ANKUB1: variants seen among roughly 807,000 people sequenced by gnomAD.
The protein encoded by ANKUB1 is ankyrin repeat and ubiquitin domain containing 1.
Under a neutral mutation model 49.3 loss-of-function variants are expected in ANKUB1, and 42 were observed. That is an observed-to-expected ratio of 0.85 (90% CI 0.67 to 1.10). ANKUB1 has a LOEUF of 1.10. Ranked by LOEUF, ANKUB1 falls within the 50% of genes least tolerant of loss-of-function variation. The pLI is 0.00. For synonymous variants in ANKUB1, 222 were observed against 231.0 expected, an observed-to-expected ratio of 0.96 and a Z score of 0.35; for missense variants, 613 against 642.0, an observed-to-expected ratio of 0.95 and a Z score of 0.49.
At chr3:149,765,928 C>G (rs529299410) in intron 5 of ANKUB1, among the ~76,000 whole-genome samples, 1 of 152,316 alleles carries the variant, frequency 6.6e-6, no homozygotes, top group Admixed American at 6.5e-5. Flanking sequence ...GCCCAAATTA[C>G]TCTCACCACA....
At position 149,767,214 on chromosome 3, in the gene ANKUB1, A is replaced by G. The variant is rs961463362; in HGVS notation, c.1448T>C (p.Leu483Ser). ...CCATGGAGTCTTCCCACTGTGCTCTAAGAAAGATGAGAAGGAGGACTTCAG... is the reference window on the plus strand; with the variant it reads ...CCATGGAGTCTTCCCACTGTGCTCTGAGAAAGATGAGAAGGAGGACTTCAG... ...FLLKSSFSSF[L>S]EHSGKTPWEN... The change falls in exon 5 of 6, where the codon TTA becomes TCA. Residue 483 changes from leucine (L) to serine (S), a missense_variant. Leu to Ser is a moderately radical substitution (Grantham distance 145). Coordinates refer to ENST00000446160, the MANE Select transcript of ANKUB1 (RefSeq NM_001144960.3). 1 of 1,549,926 alleles carries G rather than the reference A, an allele frequency of 6.5e-7. No individual in the cohort carries two copies. The highest frequency in any genetic ancestry group is 1.4e-5 in the African/African-American group (1 of 73,024).
intron 5 of ANKUB1, among the ~76,000 whole-genome samples, chr3:149,762,299 AC>A (rs1716815288): frequency 6.6e-6 from 1 of 152,212 alleles, no homozygotes; most frequent in Admixed American, 6.5e-5. Context: ...TCTCCAATTA[AC>A]AAATAAAAAT....
intron 2 of ANKUB1, among the ~76,000 whole-genome samples, chr3:149,781,759 T>C (rs1316073636): frequency 6.6e-6 from 1 of 152,218 alleles, no homozygotes; most frequent in Non-Finnish European, 1.5e-5. Flanking sequence ...GTGATGTTAC[T>C]GATGAAATTT....
chr3:149,781,757 A>G (rs1035065116), intron 2 of ANKUB1, among the ~76,000 whole-genome samples: 1 of 152,224 alleles, frequency 6.6e-6, no homozygotes, highest in African/African-American at 2.4e-5. Flanking sequence ...GAGTGATGTT[A>G]CTGATGAAAT....
intron 5 of ANKUB1, chr3:149,763,856 A>G: frequency 2.2e-6 from 1 of 455,584 alleles, no homozygotes; most frequent in Non-Finnish European, 4.4e-6. Context: ...TTAACTGCAT[A>G]ATGCCATCTT....
intron 2 of ANKUB1, among the ~76,000 whole-genome samples, chr3:149,789,739 C>T (rs1718276226): frequency 6.6e-6 from 1 of 151,356 alleles, no homozygotes; most frequent in Non-Finnish European, 1.5e-5. Flanking sequence ...AAGTGATTCT[C>T]CTGCCTCAGC....
chr3:149,783,118 C>T (rs1430397103), intron 2 of ANKUB1: 1 of 152,036 alleles, frequency 6.6e-6, no homozygotes, highest in Admixed American at 6.6e-5. Context: ...ATGGGAAAAC[C>T]CATTTTGAGT....
chr3:149,775,648 G>A (rs1035439977), intron 3 of ANKUB1, among the ~76,000 whole-genome samples: 2 of 152,190 alleles, frequency 1.3e-5, no homozygotes, highest in Non-Finnish European at 1.5e-5. Flanking sequence ...GGTGTTTATA[G>A]TGAAGAGTAC....
chr3:149,787,231 T>C (rs1718145947), intron 2 of ANKUB1, among the ~76,000 whole-genome samples: 1 of 152,334 alleles, frequency 6.6e-6, no homozygotes, highest in South Asian at 2.1e-4. Context: ...CATTTGTTTG[T>C]GTCCTCTTTT....
intron 2 of ANKUB1, among the ~76,000 whole-genome samples, chr3:149,784,256 G>C (rs1281141075): frequency 1.3e-5 from 2 of 152,148 alleles, no homozygotes. Flanking sequence ...TATAGAAGGA[G>C]GCAGGGAAAC....
intron 2 of ANKUB1, chr3:149,783,867 C>T (rs556754180): frequency 6.6e-6 from 1 of 152,160 alleles, no homozygotes; most frequent in South Asian, 2.1e-4. Flanking sequence ...TCACCAGATT[C>T]TTTTCATACC....
chr3:149,772,931 G>A (rs35537852), intron 3 of ANKUB1, among the ~76,000 whole-genome samples: 2 of 152,186 alleles, frequency 1.3e-5, no homozygotes, highest in South Asian at 2.1e-4. Context: ...CAGAACACCA[G>A]TAATCTTAGA....
chr3:149,782,258 TA>T (rs982644224), intron 2 of ANKUB1, among the ~76,000 whole-genome samples: 3 of 151,174 alleles, frequency 2.0e-5, no homozygotes, highest in Admixed American at 6.6e-5. Flanking sequence ...AGTCACTCTT[TA>T]AAAAAAAAAT....
At chr3:149,780,196 C>A (rs764978334) in intron 3 of ANKUB1, 43 bp downstream of exon 3, 3 of 1,513,174 alleles carry the variant, frequency 2.0e-6, no homozygotes, top group South Asian at 1.2e-5. Context: ...TCAAAGGACC[C>A]TAGTGCCAAA....
intron 2 of ANKUB1, among the ~76,000 whole-genome samples, chr3:149,789,656 G>T (rs1214639993): frequency 3.3e-5 from 5 of 150,152 alleles, no homozygotes; most frequent in African/African-American, 1.2e-4. Context: ...CCGAGATGGG[G>T]TCTCACTCTG....
In ANKUB1 at chr3:149,792,453, G is replaced by T; in HGVS notation, c.-87C>A. ...AGAAAAATTCCGGTTCACAATTAAGGACAAAAATGATAGCCAGAGGCAGCT... is the reference window on the plus strand; with the variant it reads ...AGAAAAATTCCGGTTCACAATTAAGTACAAAAATGATAGCCAGAGGCAGCT... On this transcript the variant is annotated 5_prime_UTR_variant, in exon 1 of 6. Coordinates refer to ENST00000446160, the MANE Select transcript of ANKUB1 (RefSeq NM_001144960.3). The T allele has an allele frequency of 3.8e-6, 4 of 1,058,156 alleles. No homozygotes were observed. Among genetic ancestry groups the T allele is most frequent in the South Asian group, 2.0e-5 (1 of 50,054 alleles). The allele number at this position is 1,058,156 out of a possible 1,614,324, so 65.5% of individuals were successfully genotyped here.
At chr3:149,770,467 T>TGTA in intron 4 of ANKUB1, 93 bp downstream of exon 4, 1 of 877,172 alleles carries the variant, frequency 1.1e-6, no homozygotes, top group Non-Finnish European at 1.8e-6. Context: ...GCACCCCAGC[T>TGTA]GTAGAGTGAG....
intron 1 of ANKUB1, among the ~76,000 whole-genome samples, 184 bp downstream of exon 1, chr3:149,792,093 A>G (rs1718383187): frequency 6.6e-6 from 1 of 151,950 alleles, no homozygotes; most frequent in African/African-American, 2.4e-5. Context: ...CTTGTCCAAC[A>G]CTACCAGAGT....
chr3:149,789,424 G>T (rs1310816550), intron 2 of ANKUB1, among the ~76,000 whole-genome samples: 1 of 152,120 alleles, frequency 6.6e-6, no homozygotes, highest in African/African-American at 2.4e-5. Flanking sequence ...ATTTAAATAT[G>T]TAAAGAGAAG....
Sources: gnomAD v4.1 joint callset for allele counts (sites outside exome capture counted in the v4.1 genomes callset) on GRCh38, gnomAD v4.1.1 for gene constraint, MANE v1.5 for transcripts, NCBI Gene and HGNC (gene_info 2026-07-23, HGNC 2026-07-21) for gene names.